Variants in MUC12 observed in about 807,000 individuals in gnomAD.
The protein encoded by MUC12 is mucin 12, cell surface associated.
Under a neutral mutation model 230.8 loss-of-function variants are expected in MUC12, and 172 were observed. The observed-to-expected ratio is 0.75, with a 90% CI of 0.66 to 0.85. MUC12 has a LOEUF of 0.85. Ranked by LOEUF, MUC12 falls within the 40% of genes least tolerant of loss-of-function variation. MUC12 has a pLI of 0.00. For missense variants in MUC12, 3,506 were observed against 5,920.6 expected, an observed-to-expected ratio of 0.59 and a Z score of 13.38; for synonymous variants, 1,259 against 2,401.9, an observed-to-expected ratio of 0.52 and a Z score of 13.91.
chr7:100,992,160 A>G lies in MUC12; in HGVS notation c.1597A>G (p.Thr533Ala). Reference sequence around the variant, plus strand: ...CCACAGCCGACCAGGCTCAACACACACAACAGCATTCCCTGGCAGTACCAC... The same window carrying G: ...CCACAGCCGACCAGGCTCAACACACGCAACAGCATTCCCTGGCAGTACCAC... ...TSHSRPGSTHTTAFPGSTTMP... is the reference protein window; with the variant it reads ...TSHSRPGSTHATAFPGSTTMP... The change falls in exon 2 of 12, where the codon ACA becomes GCA. Residue 533 changes from threonine (T) to alanine (A), a missense_variant. Coordinates refer to ENST00000536621, the MANE Select transcript of MUC12 (RefSeq NM_001164462.2). 1 of 1,537,890 alleles carries G rather than the reference A, an allele frequency of 6.5e-7. No individual in the cohort carries two copies. The highest frequency in any genetic ancestry group is 8.7e-7 in the Non-Finnish European group (1 of 1,147,062).
chr7:101,004,950 C>A lies in MUC12; in HGVS notation c.14387C>A (p.Thr4796Asn), dbSNP rs1017941716. 1.3e-6 allele frequency: 2 copies of A among 1,537,888 alleles called. No homozygotes were observed. Among genetic ancestry groups the A allele is most frequent in the Non-Finnish European group, 1.7e-6 (2 of 1,147,050 alleles). ...TCAGGCCTCAGTCAGGAATCAACAA[C>A]TTTCCACAGTAAGCCAGGCTCAACT... is the stretch of plus-strand genomic sequence containing the variant. ...TTSGLSQEST[T>N]FHSKPGSTET... The change falls in exon 2 of 12, where the codon ACT becomes AAT. Residue 4796 changes from threonine to asparagine, a missense_variant. Coordinates refer to ENST00000536621, the MANE Select transcript of MUC12 (RefSeq NM_001164462.2).
rs1433407720 is a variant in MUC12, at chr7:101,013,987, G to C, written c.15713G>C (p.Gly5238Ala). The C allele has an allele frequency of 3.9e-6, 6 of 1,536,110 alleles. No individual in the cohort carries two copies. Among genetic ancestry groups the C allele is most frequent in the Non-Finnish European group, 5.2e-6 (6 of 1,146,478 alleles). The change falls in exon 9 of 12, where the codon GGG (glycine) becomes GCG (alanine). Residue 5238 changes from glycine (G) to alanine (A), a missense_variant. By Grantham distance (60) the Gly-to-Ala change is moderately conservative. Transcript: ENST00000536621. ...EFNIAKSLVY[G>A]IVGAVMAVLL... is the part of the protein sequence containing the mutation. ...AACATCGCCAAGAGCCTCGTGTATG[G>C]GATCGTGGGGGCTGTGATGGCGGTG...
chr7:101,013,048 C>A lies in MUC12; in HGVS notation c.15544C>A (p.Leu5182Met). The A allele has an allele frequency of 6.5e-7, 1 of 1,537,358 alleles. No individual in the cohort carries two copies. The highest frequency in any genetic ancestry group is 1.2e-5 in the South Asian group (1 of 84,054). The change falls in exon 8 of 12, where the codon CTG becomes ATG. Residue 5182 changes from leucine to methionine, a missense_variant. By Grantham distance (15) the Leu-to-Met change is conservative. Coordinates refer to ENST00000536621, the MANE Select transcript of MUC12 (RefSeq NM_001164462.2). ...FYYVDVLDGK[L>M]ACVNKCTKGT... Reference sequence around the variant, plus strand: ...CTATGTGGATGTCTTGGATGGGAAGCTGGCCTGTGTGAACAAGTGCACCAA... The same window carrying A: ...CTATGTGGATGTCTTGGATGGGAAGATGGCCTGTGTGAACAAGTGCACCAA...
chr7:100,975,420 G>T (rs113185319), intron 1 of MUC12, among the ~76,000 whole-genome samples: 14,511 of 148,296 alleles, frequency 0.098, no homozygotes, highest in Admixed American at 0.22. Flanking sequence ...AGAACAGATT[G>T]CTTCACAATA....
At chr7:101,011,842 T>G (rs1049426836) in intron 5 of MUC12, among the ~76,000 whole-genome samples, 10 of 152,242 alleles carry the variant, frequency 6.6e-5, no homozygotes, top group African/African-American at 2.4e-4. Context: ...ATAATGCTAC[T>G]AAAAACACAA....
intron 1 of MUC12, among the ~76,000 whole-genome samples, chr7:100,987,147 A>C (rs1793203706): frequency 6.9e-6 from 1 of 144,404 alleles, no homozygotes; most frequent in African/African-American, 2.6e-5. Flanking sequence ...GCTCACCGCA[A>C]CCTCTGCCTC....
rs556574934 is a variant in MUC12 at position 101,017,727 on chromosome 7, T to TC, written c.15966+69dup. The TC allele has an allele frequency of 5.4e-5, 65 of 1,194,580 alleles. No individual in the cohort carries two copies. The African/African-American group carries it at 7.3e-4, about 14-fold the overall frequency. 74.0% of individuals were successfully genotyped at this position (1,194,580 alleles called of 1,614,324 possible). ...CTCCACTTCCTCTGGGGTTCCCTCT[T>TC]CCCCCGGGACTCCCTTCTCCCCCTG... On this transcript the variant is annotated intron_variant, in intron 11 of 11. Transcript: ENST00000536621.
chr7:100,991,032 A>G lies in MUC12; in HGVS notation c.469A>G (p.Thr157Ala). 1 of 1,537,762 alleles carries G rather than the reference A, an allele frequency of 6.5e-7. No individual in the cohort carries two copies. Among genetic ancestry groups the G allele is most frequent in the Non-Finnish European group, 8.7e-7 (1 of 1,147,020 alleles). The stretch of plus-strand genomic sequence containing the variant: ...CAGAACACTCTCACCTGCCCGCACG[A>G]CAAGCTCAGGCGTCAGTGAAAAATC... ...PDRTLSPART[T>A]SSGVSEKSTT... The change falls in exon 2 of 12, where the codon ACA becomes GCA. Residue 157 changes from threonine to alanine, a missense_variant. Coordinates refer to ENST00000536621, the MANE Select transcript of MUC12 (RefSeq NM_001164462.2).
At position 101,013,899 on chromosome 7, in the gene MUC12, G is replaced by C. The variant is rs771963874; in HGVS notation, c.15639-14G>C. On this transcript the variant is annotated splice_polypyrimidine_tract_variant and intron_variant, in intron 8 of 11. Transcript: ENST00000536621. Reference sequence around the variant, plus strand: ...GATCCCAGGGGATCAGCGTGAGCTTGTCTGTGTCCCCAGGTGCCCAAATAC... The same window carrying C: ...GATCCCAGGGGATCAGCGTGAGCTTCTCTGTGTCCCCAGGTGCCCAAATAC... 3.6e-5 allele frequency: 55 copies of C among 1,530,428 alleles called. No individual in the cohort carries two copies. Among genetic ancestry groups the C allele is most frequent in the Admixed American group, 6.0e-5 (3 of 50,400 alleles). The allele number at this position is 1,530,428 out of a possible 1,614,324, so 94.8% of individuals were successfully genotyped here.
chr7:100,973,634 A>G (rs1563083999), intron 1 of MUC12, among the ~76,000 whole-genome samples: 1 of 152,034 alleles, frequency 6.6e-6, no homozygotes, highest in Non-Finnish European at 1.5e-5. Flanking sequence ...TCCCACCTCA[A>G]CTTCCTAAAG....
chr7:100,985,568 C>T (rs1034523417), intron 1 of MUC12, among the ~76,000 whole-genome samples: 6 of 152,212 alleles, frequency 3.9e-5, no homozygotes, highest in African/African-American at 1.4e-4. Flanking sequence ...GTTCAGCCTA[C>T]TCCCAAGAAT....
chr7:100,991,540 A>T lies in MUC12; in HGVS notation c.977A>T (p.His326Leu), dbSNP rs112140367. The T allele has an allele frequency of 2.0e-6, 3 of 1,497,210 alleles. No individual in the cohort carries two copies. The highest frequency in any genetic ancestry group is 2.7e-6 in the Non-Finnish European group (3 of 1,112,142). The allele number at this position is 1,497,210 out of a possible 1,614,324, so 92.7% of individuals were successfully genotyped here. A position where few individuals can be genotyped will look rare whatever the true frequency, so the allele number is the denominator to read the frequency against. The change falls in exon 2 of 12, where the codon CAT becomes CTT. Residue 326 changes from histidine (H) to leucine (L), a missense_variant. His to Leu is a moderately conservative substitution (Grantham distance 99). Coordinates refer to ENST00000536621, the MANE Select transcript of MUC12 (RefSeq NM_001164462.2). Reference sequence around the variant, plus strand: ...TCTGCCAGCTCCACAACCTTGGGCCATAGTGAGGAATCGACACCAGTCCAC... The same window carrying T: ...TCTGCCAGCTCCACAACCTTGGGCCTTAGTGAGGAATCGACACCAGTCCAC... Reference protein sequence around the residue: ...HFSASSTTLGHSEESTPVHSS... With the variant: ...HFSASSTTLGLSEESTPVHSS...
chr7:100,976,376 C>T (rs1418280095), intron 1 of MUC12, among the ~76,000 whole-genome samples: 5 of 151,854 alleles, frequency 3.3e-5, no homozygotes, highest in South Asian at 2.1e-4. Flanking sequence ...GAGGTCGAGG[C>T]GGATGGATGA....
rs1441392503 is a variant in MUC12, at chr7:100,972,044, A to G, written c.67+2355A>G. 17 of 702,084 alleles carry G rather than the reference A, an allele frequency of 2.4e-5. No individual in the cohort carries two copies. The Admixed American group carries it at 3.4e-4, about 14-fold the overall frequency. The allele number at this position is 702,084 out of a possible 1,614,324, so 43.5% of individuals were successfully genotyped here. ...GCAGAGAGCAGAAGGGAGTGAGGCC[A>G]GGCAAGTAGGGCCACTCCGGAGGGC... On this transcript the variant is annotated intron_variant, in intron 1 of 11. Coordinates refer to ENST00000536621, the MANE Select transcript of MUC12 (RefSeq NM_001164462.2).
chr7:100,991,513 T>A lies in MUC12; in HGVS notation c.950T>A (p.Phe317Tyr), dbSNP rs1344631796. The change falls in exon 2 of 12, where the codon TTT becomes TAT. Residue 317 changes from phenylalanine (F) to tyrosine (Y), a missense_variant. Transcript: ENST00000536621. ...SSPSSTPTTH[F>Y]SASSTTLGHS... ...CCGAGCTCAACTCCAACAACCCACT[T>A]TTCTGCCAGCTCCACAACCTTGGGC... The A allele has an allele frequency of 1.4e-5, 22 of 1,536,970 alleles. No homozygotes were observed. Among genetic ancestry groups the A allele is most frequent in the Admixed American group, 5.9e-5 (3 of 50,930 alleles).
intron 9 of MUC12, among the ~76,000 whole-genome samples, chr7:101,014,777 CTTAAATTAAATTAAA>C (rs10533221): frequency 0.024 from 3,417 of 143,622 alleles, 44 homozygotes; most frequent in Non-Finnish European, 0.033. Context: ...CGTGCCCGGC[CTTAAATTAAATTAAA>C]TTAAATTAAA....
intron 1 of MUC12, among the ~76,000 whole-genome samples, chr7:100,980,800 C>G (rs770565974): frequency 1.3e-4 from 20 of 151,902 alleles, no homozygotes; most frequent in Non-Finnish European, 2.5e-4. Flanking sequence ...GGCCTGTGGT[C>G]TCAGGTACTC....
chr7:100,992,994 C>G lies in MUC12; in HGVS notation c.2431C>G (p.Pro811Ala). The change falls in exon 2 of 12, where the codon CCC (proline) becomes GCC (alanine). Residue 811 changes from proline (P) to alanine (A), a missense_variant. Pro to Ala is a conservative substitution (Grantham distance 27, BLOSUM62 -1). Coordinates refer to ENST00000536621, the MANE Select transcript of MUC12 (RefSeq NM_001164462.2). ...AGGCTCAATGGAAACGACAGCGTTA[C>G]CCGGCAGTACCACAACGCCAGGCCT... ...SSGSMETTAL[P>A]GSTTTPGLSE... is the part of the protein sequence containing the mutation. 1.3e-6 allele frequency: 2 copies of G among 1,537,302 alleles called. No individual in the cohort carries two copies. The highest frequency in any genetic ancestry group is 1.7e-6 in the Non-Finnish European group (2 of 1,147,034).
In MUC12 at chr7:100,991,860, C is replaced by G. The variant is rs373756770; in HGVS notation, c.1297C>G (p.Arg433Gly). The G allele has an allele frequency of 6.5e-7, 1 of 1,537,680 alleles. No homozygotes were observed. The highest frequency in any genetic ancestry group is 1.4e-5 in the African/African-American group (1 of 73,158). ...HFRDSSTISG[R>G]SEESKASHSS... ...CCGTGATAGCTCCACAATCTCAGGC[C>G]GTAGTGAGGAATCAAAAGCATCCCA... Residue 433 changes from arginine to glycine, a missense_variant, in exon 2 of 12, where the codon CGT becomes GGT. By Grantham distance (125) the Arg-to-Gly change is moderately radical. Transcript: ENST00000536621.
Sources: gnomAD v4.1 joint callset for allele counts (sites outside exome capture counted in the v4.1 genomes callset) on GRCh38, gnomAD v4.1.1 for gene constraint, MANE v1.5 for transcripts, NCBI Gene and HGNC (gene_info 2026-07-23, HGNC 2026-07-21) for gene names.